The following POLRMT variants were observed in gnomAD, a reference collection of about 807,000 sequenced individuals.
POLRMT encodes the protein RNA polymerase mitochondrial.
POLRMT carries 114 observed loss-of-function variants against 132.2 expected under a neutral mutation model. The observed-to-expected ratio is 0.86, with a 90% confidence interval of 0.74 to 1.01. POLRMT has a LOEUF of 1.01. Ranked by LOEUF, POLRMT falls within the 50% of genes least tolerant of loss-of-function variation. The probability of loss-of-function intolerance (pLI) is 0.00; values close to 1 mark genes in which losing one functional copy is unlikely to be tolerated. For synonymous variants in POLRMT, 1,020 were observed against 773.4 expected, an observed-to-expected ratio of 1.32 and a Z score of -5.29; for missense variants, 2,003 against 1,729.1, an observed-to-expected ratio of 1.16 and a Z score of -2.81.
chr19:630,015 G>C lies in POLRMT; in HGVS notation c.347C>G (p.Pro116Arg). 7 of 1,613,774 alleles carry C rather than the reference G, an allele frequency of 4.3e-6. No homozygotes were observed. The highest frequency in any genetic ancestry group is 5.1e-6 in the Non-Finnish European group (6 of 1,180,020). ...KVQMGAKDATPVPCGRWAKIL... is the reference protein window; with the variant it reads ...KVQMGAKDATRVPCGRWAKIL... ...CTTTGCCCAGCGGCCACAGGGCACC[G>C]GGGTGGCATCCTTGGCCCCCATCTG... Residue 116 changes from proline to arginine, a missense_variant, in exon 3 of 21, where the codon CCG becomes CGG. Transcript: ENST00000588649.
chr19:619,268 A>T lies in POLRMT; in HGVS notation c.3095T>A (p.Leu1032His). Residue 1032 changes from leucine to histidine, a missense_variant, in exon 14 of 21, where the codon CTC becomes CAC. Leu to His is a moderately conservative substitution (Grantham distance 99, BLOSUM62 -3). Coordinates refer to ENST00000588649, the MANE Select transcript of POLRMT (RefSeq NM_005035.4). ...QEFVWEASHY[L>H]VRQVFKSLQE... is the part of the protein sequence containing the mutation. ...TAGACTCTTGAAGACCTGGCGTACGAGATAGTGAGAGGCCTCCCACACGAA... is the reference window on the plus strand; with the variant it reads ...TAGACTCTTGAAGACCTGGCGTACGTGATAGTGAGAGGCCTCCCACACGAA... 6.2e-7 allele frequency: 1 copy of T among 1,606,116 alleles called. No homozygotes were observed. Among genetic ancestry groups the T allele is most frequent in the Non-Finnish European group, 8.5e-7 (1 of 1,178,434 alleles).
At chr19:631,235 A>T (rs958270976) in intron 2 of POLRMT, among the ~76,000 whole-genome samples, 1 of 151,568 alleles carries the variant, frequency 6.6e-6, no homozygotes, top group African/African-American at 2.4e-5. Flanking sequence ...GGCTGAGGTG[A>T]AAGAATCACC....
chr19:627,832 G>C (rs796300899), intron 3 of POLRMT, among the ~76,000 whole-genome samples: 6 of 151,278 alleles, frequency 4.0e-5, no homozygotes, highest in African/African-American at 1.5e-4. Context: ...GGCTGCGGCA[G>C]GGAGAATTAT....
Position 621,637 on chromosome 19 carries a change from G to A in POLRMT, c.2061C>T (p.Cys687=), listed in dbSNP as rs537954546. 140 of 1,532,720 alleles carry A rather than the reference G, an allele frequency of 9.1e-5. 1 individual carries two copies. The South Asian group carries it at 1.6e-3, about 18-fold the overall frequency. 94.9% of individuals were successfully genotyped at this position (1,532,720 alleles called of 1,614,324 possible). The part of the protein sequence containing the change: ...ATQHQELLET[C]PPTALHGALD... ...GTGCGCCATGCAGCGCGGTGGGCGG[G>A]CAGGTTTCCAGCAGCTCCTGGTGCT... Residue 687 remains cysteine (C), a synonymous_variant, in exon 10 of 21, where the codon TGC becomes TGT. Coordinates refer to ENST00000588649, the MANE Select transcript of POLRMT (RefSeq NM_005035.4).
chr19:623,081 T>C, intron 6 of POLRMT, 96 bp from the exon 7 acceptor site: 3 of 1,367,706 alleles, frequency 2.2e-6, no homozygotes, highest in South Asian at 1.4e-5. Context: ...AGAGACCTCA[T>C]GGCCCTCAAG....
At chr19:619,181 T>A in intron 14 of POLRMT, 29 bp downstream of exon 14, 2 of 1,610,818 alleles carry the variant, frequency 1.2e-6, no homozygotes, top group Non-Finnish European at 1.7e-6. Context: ...TAGGGAGTCC[T>A]GGCCGAGCGG....
intron 3 of POLRMT, among the ~76,000 whole-genome samples, chr19:628,741 A>G (rs1985200132): frequency 6.6e-6 from 1 of 152,156 alleles, no homozygotes; most frequent in Non-Finnish European, 1.5e-5. Context: ...ACGGTGGCTC[A>G]CGCCTGTAAT....
rs1343152215 is a variant in POLRMT at position 621,447 on chromosome 19, CGGCGCTGTGCGGCAGGT to C, written c.2234_2250del (p.His745ArgfsTer11). The C allele has an allele frequency of 7.2e-7, 1 of 1,395,914 alleles. No homozygotes were observed. Among genetic ancestry groups the C allele is most frequent in the East Asian group, 3.1e-5 (1 of 32,304 alleles). The allele number at this position is 1,395,914 out of a possible 1,614,324, so 86.5% of individuals were successfully genotyped here. A position where few individuals can be genotyped will look rare whatever the true frequency, so the allele number is the denominator to read the frequency against. On this transcript the variant is annotated frameshift_variant, in exon 10 of 21. Coordinates refer to ENST00000588649, the MANE Select transcript of POLRMT (RefSeq NM_005035.4). LOFTEE classifies it high-confidence loss of function. ...CGCAGCTCGGCCTTGCGGGCGGGCGCGGCGCTGTGCGGCAGGTGGGCCTCGGGCGGCTGGGGCGCCTC... is the reference window on the plus strand; with the variant it reads ...CGCAGCTCGGCCTTGCGGGCGGGCGCGGGCCTCGGGCGGCTGGGGCGCCTC...
chr19:625,623 A>G, intron 3 of POLRMT: 1 of 183,808 alleles, frequency 5.4e-6, no homozygotes, highest in South Asian at 1.4e-4. Flanking sequence ...ACTTCCTCTC[A>G]TCTACTTGCT....
chr19:625,119 C>T lies in POLRMT; in HGVS notation c.953+5G>A, dbSNP rs1984930825. The T allele has an allele frequency of 1.2e-6, 2 of 1,611,676 alleles. No homozygotes were observed. Among genetic ancestry groups the T allele is most frequent in the Non-Finnish European group, 1.7e-6 (2 of 1,179,144 alleles). ...GGGGGTGGGGGCCCTCCCGACACCA[C>T]CTACCTTTCGATGGTCCCGGCGTCC... On this transcript the variant is annotated splice_donor_5th_base_variant and intron_variant, in intron 4 of 20. Coordinates refer to ENST00000588649, the MANE Select transcript of POLRMT (RefSeq NM_005035.4).
intron 1 of POLRMT, 127 bp from the exon 2 acceptor site, chr19:633,065 T>A: frequency 1.4e-6 from 1 of 725,208 alleles, no homozygotes; most frequent in South Asian, 2.2e-5. Flanking sequence ...GAGCACGGGC[T>A]TAAGTTGGAA....
At position 629,543 on chromosome 19, in the gene POLRMT, C is replaced by A; in HGVS notation, c.819G>T (p.Arg273=). ...MYNAVMLGWA[R]QGAFKELVYV... ...CCCGGCTCCCGGCTGCACTCACCTG[C>A]CGCGCCCAGCCAAGCATCACGGCGT... Residue 273 remains arginine, a synonymous_variant, in exon 3 of 21, where the codon CGG becomes CGT. Transcript: ENST00000588649. The A allele has an allele frequency of 6.6e-7, 1 of 1,523,624 alleles. No individual in the cohort carries two copies. The highest frequency in any genetic ancestry group is 1.3e-5 in the South Asian group (1 of 77,372). 94.4% of individuals were successfully genotyped at this position (1,523,624 alleles called of 1,614,324 possible). A position where few individuals can be genotyped will look rare whatever the true frequency, so the allele number is the denominator to read the frequency against.
chr19:632,722 C>G, intron 2 of POLRMT, 112 bp downstream of exon 2: 2 of 873,072 alleles, frequency 2.3e-6, no homozygotes, highest in Non-Finnish European at 3.4e-6. Context: ...GTCCTGGGAC[C>G]CGAGAGGTGG....
At chr19:623,026 G>A in intron 6 of POLRMT, 41 bp from the exon 7 acceptor site, 3 of 1,601,194 alleles carry the variant, frequency 1.9e-6, no homozygotes, top group South Asian at 1.1e-5. Flanking sequence ...CGTGGCAGCT[G>A]GTGGGACCCA....
intron 3 of POLRMT, among the ~76,000 whole-genome samples, chr19:626,479 ATTTT>A (rs113783333): frequency 2.9e-5 from 4 of 136,638 alleles, no homozygotes; most frequent in Non-Finnish European, 3.2e-5. Flanking sequence ...ATCCCCTGCA[ATTTT>A]TTTTTTTTTC....
At chr19:618,034 G>A (rs1000678728) in intron 17 of POLRMT, 185 bp from the exon 18 acceptor site, 8 of 607,488 alleles carry the variant, frequency 1.3e-5, no homozygotes, top group Non-Finnish European at 2.3e-5. Context: ...AGTACAGGGG[G>A]AGGAAATGTT....
In POLRMT at chr19:624,804, T is replaced by C. The variant is rs1413259413; in HGVS notation, c.1055A>G (p.His352Arg). The stretch of plus-strand genomic sequence containing the variant: ...GAGGCTGAAGGTGGGCTTCACCTTG[T>C]GCACGGCCTTCAGAACAGTGGCCCG... ...EDRATVLKAV[H>R]KVKPTFSLPP... The change falls in exon 5 of 21, where the codon CAC (histidine) becomes CGC (arginine). Residue 352 changes from histidine to arginine, a missense_variant. Coordinates refer to ENST00000588649, the MANE Select transcript of POLRMT (RefSeq NM_005035.4). 1.1e-5 allele frequency: 18 copies of C among 1,613,414 alleles called. No homozygotes were observed. In the Admixed American group the frequency reaches 2.8e-4, roughly 25 times the overall value.
rs753100639 is a variant in POLRMT, at chr19:618,618, C to T, written c.3324-32G>A. ...ACGGAACAGGTGCCGGTGGGGGCGG[C>T]CCAGGGACACCCCTAACTGGCCGCT... is the stretch of plus-strand genomic sequence containing the variant. On this transcript the variant is annotated intron_variant, in intron 16 of 20. Transcript: ENST00000588649. 4.0e-5 allele frequency: 64 copies of T among 1,599,496 alleles called. 1 individual carries two copies. Among genetic ancestry groups the T allele is most frequent in the Non-Finnish European group, 4.8e-5 (56 of 1,169,374 alleles).
Position 620,038 on chromosome 19 carries a change from G to T in POLRMT, c.2806C>A (p.Arg936Ser), listed in dbSNP as rs745814998. The T allele has an allele frequency of 6.7e-5, 105 of 1,558,864 alleles. No homozygotes were observed. The highest frequency in any genetic ancestry group is 8.8e-5 in the Non-Finnish European group (102 of 1,156,952). ...NGLQHYAALG[R>S]DSVGAASVNL... The stretch of plus-strand genomic sequence containing the variant: ...ACGGAGGCGGCGCCCACGCTGTCGC[G>T]GCCCAGAGCAGCATAATGCTGCAGG... Residue 936 changes from arginine (R) to serine (S), a missense_variant, in exon 12 of 21, where the codon CGC becomes AGC. By Grantham distance (110) the Arg-to-Ser change is moderately radical. Transcript: ENST00000588649.
Sources: allele counts gnomAD v4.1 joint callset (sites outside exome capture counted in the v4.1 genomes callset), GRCh38; gene constraint gnomAD v4.1.1; transcripts MANE v1.5; gene names NCBI Gene and HGNC (gene_info 2026-07-23, HGNC 2026-07-21).